GRIK1: variants seen among roughly 807,000 people sequenced by gnomAD.
GRIK1 encodes glutamate ionotropic receptor kainate type subunit 1.
In GRIK1, 69 loss-of-function variants were observed where a neutral mutation model predicts 105.7. That is an observed-to-expected ratio of 0.65 (90% CI 0.54 to 0.80). The LOEUF is 0.80. GRIK1 is among the 30% of genes least tolerant of loss of function. GRIK1 has a pLI of 0.00. For synonymous variants in GRIK1, 438 were observed against 431.3 expected, an observed-to-expected ratio of 1.02 and a Z score of -0.19; for missense variants, 1,109 against 1,167.3, an observed-to-expected ratio of 0.95 and a Z score of 0.73.
intron 1 of GRIK1, among the ~76,000 whole-genome samples, chr21:29,779,857 G>A (rs763108766): frequency 2.0e-5 from 3 of 152,180 alleles, no homozygotes; most frequent in Non-Finnish European, 4.4e-5. Context: ...TGTAGATAGT[G>A]AGATTGGTGA....
At chr21:29,693,788 A>T (rs2063632599) in intron 2 of GRIK1, 108 bp downstream of exon 2, 1 of 783,966 alleles carries the variant, frequency 1.3e-6, no homozygotes. Flanking sequence ...CCCGCGACCC[A>T]TTTGCACAAA....
chr21:29,626,103 A>T (rs975888001), intron 7 of GRIK1, among the ~76,000 whole-genome samples: 2 of 152,162 alleles, frequency 1.3e-5, no homozygotes, highest in African/African-American at 4.8e-5. Context: ...ATTTATTTTT[A>T]AAAAGAAATT....
chr21:29,848,779 A>ATATATATATATATATTTTTTTTTTTT, intron 1 of GRIK1, among the ~76,000 whole-genome samples: 1 of 77,882 alleles, frequency 1.3e-5, no homozygotes, highest in African/African-American at 5.8e-5. Flanking sequence ...ATATATATAT[A>ATATATATATATATATTTTTTTTTTTT]TTTTTTTTTT....
intron 16 of GRIK1, among the ~76,000 whole-genome samples, chr21:29,548,848 A>G (rs753338122): frequency 3.3e-5 from 5 of 152,238 alleles, no homozygotes; most frequent in Non-Finnish European, 1.5e-5. Flanking sequence ...TTCCTTAAAT[A>G]GCTCCAATTT....
At chr21:29,834,324 A>ATC (rs1049410228) in intron 1 of GRIK1, among the ~76,000 whole-genome samples, 2 of 148,556 alleles carry the variant, frequency 1.3e-5, no homozygotes, top group African/African-American at 4.9e-5. Flanking sequence ...ATATATATAT[A>ATC]AAAATATATA....
At chr21:29,871,713 T>A (rs2832467) in intron 1 of GRIK1, among the ~76,000 whole-genome samples, 14,088 of 151,458 alleles carry the variant, frequency 0.093, 822 homozygotes, top group African/African-American at 0.17. Flanking sequence ...ACCTGCACAC[T>A]GGAAGAAATA....
At chr21:29,803,857 C>T (rs1394325764) in intron 1 of GRIK1, among the ~76,000 whole-genome samples, 6 of 151,998 alleles carry the variant, frequency 3.9e-5, no homozygotes, top group Admixed American at 3.3e-4. Context: ...TACACATGAT[C>T]GAGGATGATC....
chr21:29,935,951 CAAT>C (rs1029418264), intron 1 of GRIK1, among the ~76,000 whole-genome samples: 1 of 152,086 alleles, frequency 6.6e-6, no homozygotes, highest in East Asian at 1.9e-4. Flanking sequence ...AACAACATAA[CAAT>C]AATAATAATA....
chr21:29,650,400 A>G lies in GRIK1; in HGVS notation c.954+718T>C, dbSNP rs2062707482. 2.0e-5 allele frequency among the ~76,000 whole-genome samples: 3 copies of G among 152,242 alleles called. No homozygotes were observed. The East Asian group carries it at 5.8e-4, about 29-fold the overall frequency. On this transcript the variant is annotated intron_variant, in intron 6 of 17. Transcript: ENST00000327783. ...CCCCTTAGATGGCTCCCATATAGGA[A>G]GCATTTTAAAAAATTATTTCCTGCT...
At chr21:29,575,397 AAAG>A (rs2090866049) in intron 14 of GRIK1, among the ~76,000 whole-genome samples, 1 of 152,220 alleles carries the variant, frequency 6.6e-6, no homozygotes, top group South Asian at 2.1e-4. Flanking sequence ...GGAAACCCTA[AAAG>A]CCCTATATCC....
intron 1 of GRIK1, among the ~76,000 whole-genome samples, chr21:29,925,868 A>G (rs537644839): frequency 2.6e-5 from 4 of 152,326 alleles, no homozygotes; most frequent in Admixed American, 2.0e-4. Context: ...CCTTGTATGC[A>G]CATGTACTTA....
At chr21:29,700,622 G>A (rs1407494158) in intron 1 of GRIK1, among the ~76,000 whole-genome samples, 1 of 151,970 alleles carries the variant, frequency 6.6e-6, no homozygotes, top group Non-Finnish European at 1.5e-5. Context: ...AGGTTCCAAG[G>A]ATACTTCCTA....
At chr21:29,794,346 G>A (rs2066500630) in intron 1 of GRIK1, among the ~76,000 whole-genome samples, 1 of 152,180 alleles carries the variant, frequency 6.6e-6, no homozygotes, top group African/African-American at 2.4e-5. Context: ...AACTGACTCA[G>A]TAGCACATCT....
In GRIK1 at chr21:29,939,406, G is replaced by A; in HGVS notation, c.95C>T (p.Thr32Ile). ...ACCGATCCTGAGTACTTGCGGGGCG[G>A]TCTGAGGGAGGATATAGCAGAGGAA... Reference protein sequence around the residue: ...LYFLCYILPQTAPQVLRIGGI... With the variant: ...LYFLCYILPQIAPQVLRIGGI... Residue 32 changes from threonine (T) to isoleucine (I), a missense_variant, in exon 1 of 18, where the codon ACC becomes ATC. Thr to Ile is a moderately conservative substitution (Grantham distance 89). Around this residue, in one of 5 missense-constraint regions of GRIK1, gnomAD observed 612 missense variants for 586.0 expected, o/e 1.04. Coordinates refer to ENST00000327783, the MANE Select transcript of GRIK1 (RefSeq NM_001330994.2). 1 of 1,558,390 alleles carries A rather than the reference G, an allele frequency of 6.4e-7. No homozygotes were observed.
chr21:29,553,475 T>C, intron 16 of GRIK1: 1 of 1,464,512 alleles, frequency 6.8e-7, no homozygotes. Flanking sequence ...TATTTATGCT[T>C]AGCAAATACA....
At chr21:29,868,335 A>T (rs467775) in intron 1 of GRIK1, among the ~76,000 whole-genome samples, 32,285 of 152,080 alleles carry the variant, frequency 0.21, 3,920 homozygotes, top group East Asian at 0.41. Context: ...TATTTTAAAT[A>T]AGTTTTTATG....
chr21:29,603,609 G>A (rs559064310), intron 7 of GRIK1, among the ~76,000 whole-genome samples: 41 of 152,154 alleles, frequency 2.7e-4, no homozygotes, highest in Admixed American at 9.8e-4. Flanking sequence ...TTTTCTCCCC[G>A]TCACACCTCA....
chr21:29,585,226 T>G (rs1237089801), intron 12 of GRIK1, among the ~76,000 whole-genome samples: 1 of 152,128 alleles, frequency 6.6e-6, no homozygotes, highest in Non-Finnish European at 1.5e-5. Context: ...GTGGGGGTAC[T>G]GTTATCTTAA....
chr21:29,541,358 G>A (rs927515981), intron 16 of GRIK1, among the ~76,000 whole-genome samples: 4 of 152,096 alleles, frequency 2.6e-5, no homozygotes, highest in South Asian at 2.1e-4. Context: ...AGGTTACACC[G>A]GGCAAGGTAT....
Sources: allele counts gnomAD v4.1 joint callset (sites outside exome capture counted in the v4.1 genomes callset), GRCh38; gene constraint gnomAD v4.1.1; regional missense constraint gnomAD v4.1.1; transcripts MANE v1.5; gene names NCBI Gene and HGNC (gene_info 2026-07-23, HGNC 2026-07-21).